TECR: variants seen among roughly 807,000 people sequenced by gnomAD.
TECR encodes trans-2,3-enoyl-CoA reductase, also known as very-long-chain enoyl-CoA reductase.
TECR carries 19 observed loss-of-function variants against 50.6 expected under a neutral mutation model. That is an observed-to-expected ratio of 0.38 (90% CI 0.26 to 0.55). The LOEUF (loss-of-function observed/expected upper bound fraction) is 0.55, where lower values mean the gene tolerates loss of function less well. Ranked by LOEUF, TECR falls within the 20% of genes least tolerant of loss-of-function variation. TECR has a pLI of 0.79. For synonymous variants in TECR, 168 were observed against 163.5 expected (o/e 1.03, Z -0.21); for missense variants, 313 against 408.3 (o/e 0.77, Z 2.01).
rs1463687178 is a variant in TECR at position 14,563,279 on chromosome 19, A to C, written c.118+22A>C. 4 of 1,599,276 alleles carry C rather than the reference A, an allele frequency of 2.5e-6. No homozygotes were observed. The highest frequency in any genetic ancestry group is 3.4e-6 in the Non-Finnish European group (4 of 1,166,764). ...ACCCGTGAGTTCTAGTCCCGGCCAC[A>C]CTGCCCCTGCAACCCCTTTGACCAG... On this transcript the variant is annotated intron_variant, in intron 3 of 12. Coordinates refer to ENST00000215567, the MANE Select transcript of TECR (RefSeq NM_138501.6). The surrounding 1 kb of genome is among the most constrained non-coding windows in gnomAD (Gnocchi z 5.3).
At chr19:14,549,283 G>C (rs2073410568) in intron 1 of TECR, among the ~76,000 whole-genome samples, 1 of 143,012 alleles carries the variant, frequency 7.0e-6, no homozygotes, top group African/African-American at 2.7e-5. Context: ...TGCGATCTCA[G>C]CTCACTGCAA....
intron 1 of TECR, among the ~76,000 whole-genome samples, chr19:14,543,767 C>T (rs1238924850): frequency 2.0e-5 from 3 of 147,282 alleles, no homozygotes; most frequent in African/African-American, 5.0e-5. Context: ...GAGACAGAGT[C>T]TCCCTTTGTT....
At chr19:14,561,302 A>G (rs1301688974) in intron 1 of TECR, among the ~76,000 whole-genome samples, 9 of 152,152 alleles carry the variant, frequency 5.9e-5, no homozygotes, top group Admixed American at 5.9e-4. Flanking sequence ...GTGGGTAGGA[A>G]GGGTCCCCCA....
intron 1 of TECR, among the ~76,000 whole-genome samples, chr19:14,543,819 A>G (rs1489466422): frequency 2.6e-5 from 4 of 151,072 alleles, no homozygotes; most frequent in African/African-American, 9.8e-5. Flanking sequence ...GCTCATTGCA[A>G]CCTCTGCCTC....
chr19:14,542,347 G>GTGTTTTTTTTTTTTTTTTTT (rs2073125545), intron 1 of TECR, among the ~76,000 whole-genome samples: 1 of 43,282 alleles, frequency 2.3e-5, no homozygotes, highest in African/African-American at 8.1e-5. Context: ...ATGCCATAGT[G>GTGTTTTTTTTTTTTTTTTTT]TTTTTTTTTT....
chr19:14,529,664 G>C lies in TECR; in HGVS notation c.-33G>C. 7.4e-6 allele frequency: 12 copies of C among 1,613,808 alleles called. No homozygotes were observed. The highest frequency in any genetic ancestry group is 1.1e-5 in the South Asian group (1 of 91,084). ...TGTGCCGCGCAGTTAGGCAGCAGCA[G>C]CCGCGGAGCAGTAGCCGCCGTGGGA... On this transcript the variant is annotated 5_prime_UTR_variant, in exon 1 of 13. Transcript: ENST00000215567.
chr19:14,530,044 T>C (rs2146543340), intron 1 of TECR: 1 of 458,144 alleles, frequency 2.2e-6, no homozygotes, highest in South Asian at 2.2e-5. Context: ...GCGGGACCCT[T>C]GCTCCCAATC....
intron 1 of TECR, among the ~76,000 whole-genome samples, chr19:14,561,614 C>T (rs930444051): frequency 1.3e-5 from 2 of 152,134 alleles, no homozygotes; most frequent in African/African-American, 4.8e-5. Flanking sequence ...AGTGGAAAGC[C>T]TGCCCCACAG....
chr19:14,535,026 T>C (rs898780441), intron 1 of TECR, among the ~76,000 whole-genome samples: 1 of 152,000 alleles, frequency 6.6e-6, no homozygotes, highest in Non-Finnish European at 1.5e-5. Context: ...AGAGGGTCTT[T>C]CTCTGCCCTA....
chr19:14,549,305 C>T (rs190694140), intron 1 of TECR, among the ~76,000 whole-genome samples: 26 of 151,158 alleles, frequency 1.7e-4, no homozygotes, highest in Middle Eastern at 3.4e-3. Context: ...CTCTGCCTCC[C>T]GGGTTCAAGC....
chr19:14,565,516 A>T, intron 11 of TECR, 102 bp from the exon 12 acceptor site: 1 of 1,520,414 alleles, frequency 6.6e-7, no homozygotes, highest in African/African-American at 1.4e-5. Flanking sequence ...CCCATCCCTG[A>T]CTCAGAAAGC....
At chr19:14,539,958 C>T (rs1032494957) in intron 1 of TECR, among the ~76,000 whole-genome samples, 4 of 151,854 alleles carry the variant, frequency 2.6e-5, no homozygotes, top group African/African-American at 9.7e-5. Flanking sequence ...TGGCTCACTG[C>T]AACCTCCACC....
intron 1 of TECR, among the ~76,000 whole-genome samples, chr19:14,553,669 C>T (rs529128097): frequency 5.7e-4 from 87 of 152,202 alleles, no homozygotes; most frequent in African/African-American, 2.0e-3. Flanking sequence ...GAGCCGGAGT[C>T]CAGATGAATG....
At chr19:14,530,374 G>T (rs1213251269) in intron 1 of TECR, 1 of 153,400 alleles carries the variant, frequency 6.5e-6, no homozygotes, top group African/African-American at 2.4e-5. Context: ...CCCTTAAAAC[G>T]AAGTCTTCTG....
At chr19:14,560,893 G>T (rs1412930496) in intron 1 of TECR, among the ~76,000 whole-genome samples, 1 of 152,142 alleles carries the variant, frequency 6.6e-6, no homozygotes, top group East Asian at 1.9e-4. Flanking sequence ...ATCTGTCAGG[G>T]GTCACCTAGT....
Position 14,547,262 on chromosome 19 carries a change from G to A in TECR, c.16-15263G>A, listed in dbSNP as rs147355921. Among the ~76,000 whole-genome samples, 1,009 of 152,308 alleles carry A rather than the reference G, an allele frequency of 6.6e-3. 15 individuals carry two copies. The highest frequency in any genetic ancestry group is 0.023 in the African/African-American group (944 of 41,568). On this transcript the variant is annotated intron_variant, in intron 1 of 12. Coordinates refer to ENST00000215567, the MANE Select transcript of TECR (RefSeq NM_138501.6). ...TTATGTAAAATTTTTAATACCGACA[G>A]TAGGCCAGAAATGACATCTTTTGCA... is the stretch of plus-strand genomic sequence containing the variant.
intron 1 of TECR, among the ~76,000 whole-genome samples, chr19:14,538,554 G>A (rs1179993204): frequency 7.0e-6 from 1 of 143,484 alleles, no homozygotes; most frequent in African/African-American, 2.6e-5. Flanking sequence ...TTTTTTTTGA[G>A]ATAGAGTCTT....
rs575059034 is a variant in TECR, at chr19:14,559,112, C to G, written c.16-3413C>G. 3.9e-5 allele frequency among the ~76,000 whole-genome samples: 6 copies of G among 152,208 alleles called. No homozygotes were observed. In the South Asian group the frequency reaches 1.2e-3, roughly 32 times the overall value. On this transcript the variant is annotated intron_variant, in intron 1 of 12. Transcript: ENST00000215567. ...GGGAACCTCTCCTGCTCCTCCCACC[C>G]GACTGTTTTTATTTTGATGGGTATG... is the stretch of plus-strand genomic sequence containing the variant.
At chr19:14,554,699 C>T (rs573651118) in intron 1 of TECR, among the ~76,000 whole-genome samples, 2 of 152,284 alleles carry the variant, frequency 1.3e-5, no homozygotes, top group East Asian at 3.9e-4. Flanking sequence ...CTGTACCTCT[C>T]ATCCCCACAC....
Sources: gnomAD v4.1 joint callset for allele counts (sites outside exome capture counted in the v4.1 genomes callset) on GRCh38, gnomAD v4.1.1 for gene constraint, Gnocchi (gnomAD v3.1) non-coding constraint, MANE v1.5 for transcripts, NCBI Gene and HGNC (gene_info 2026-07-23, HGNC 2026-07-21) for gene names.